JARID2: variants seen among roughly 807,000 people sequenced by gnomAD.
The protein encoded by JARID2 is protein Jumonji.
A neutral mutation model predicts 125.6 loss-of-function variants in JARID2; 21 were observed. That is an observed-to-expected ratio of 0.17 (90% CI 0.12 to 0.24). JARID2 has a LOEUF of 0.24. JARID2 is among the 10% of genes least tolerant of loss of function. The pLI, the probability that JARID2 is intolerant of heterozygous loss-of-function variation, is 1.00. For missense variants in JARID2, 1,303 were observed against 1,639.6 expected, an observed-to-expected ratio of 0.79 and a Z score of 3.55; for synonymous variants, 736 against 661.6, an observed-to-expected ratio of 1.11 and a Z score of -1.73.
chr6:15,511,447 C>G, intron 13 of JARID2, 46 bp downstream of exon 13: 1 of 1,283,108 alleles, frequency 7.8e-7, no homozygotes, highest in South Asian at 1.2e-5. Context: ...GTAGGACCTC[C>G]TAGGCACTTG....
At chr6:15,398,846 C>T (rs935196380) in intron 2 of JARID2, among the ~76,000 whole-genome samples, 1 of 152,144 alleles carries the variant, frequency 6.6e-6, no homozygotes, top group Non-Finnish European at 1.5e-5. Context: ...AACCACTAAT[C>T]ATACGTGATT....
chr6:15,255,798 C>T (rs1759641680), intron 1 of JARID2, among the ~76,000 whole-genome samples: 1 of 152,190 alleles, frequency 6.6e-6, no homozygotes, highest in Non-Finnish European at 1.5e-5. Flanking sequence ...AATGCTTATT[C>T]TGTTAAGCAG....
chr6:15,323,664 A>C (rs1262553399), intron 1 of JARID2, among the ~76,000 whole-genome samples: 1 of 152,076 alleles, frequency 6.6e-6, no homozygotes, highest in African/African-American at 2.4e-5. Context: ...GGTGGCTCAC[A>C]CCTGTAATCC....
At chr6:15,484,356 G>T (rs755059982) in intron 5 of JARID2, among the ~76,000 whole-genome samples, 1 of 152,260 alleles carries the variant, frequency 6.6e-6, no homozygotes. Context: ...GGCATGGTCA[G>T]TGTGGACAAA....
chr6:15,299,178 T>C (rs1761517669), intron 1 of JARID2, among the ~76,000 whole-genome samples: 1 of 152,204 alleles, frequency 6.6e-6, no homozygotes, highest in Non-Finnish European at 1.5e-5. Flanking sequence ...TACAACCCCT[T>C]GGACATAGGG....
At chr6:15,445,054 C>T (rs1767614414) in intron 3 of JARID2, among the ~76,000 whole-genome samples, 1 of 152,002 alleles carries the variant, frequency 6.6e-6, no homozygotes, top group Non-Finnish European at 1.5e-5. Context: ...CTGGAAATTG[C>T]TGTTGTGCCG....
At chr6:15,422,443 C>T (rs1292982254) in intron 3 of JARID2, among the ~76,000 whole-genome samples, 1 of 152,142 alleles carries the variant, frequency 6.6e-6, no homozygotes, top group Non-Finnish European at 1.5e-5. Flanking sequence ...GTTTCAGTGT[C>T]TGAGGTTGGA....
intron 3 of JARID2, among the ~76,000 whole-genome samples, chr6:15,415,671 G>T (rs1399003962): frequency 1.4e-5 from 2 of 145,760 alleles, no homozygotes; most frequent in African/African-American, 2.6e-5. Context: ...CCTCCCGGAC[G>T]GGGTGGCTGG....
intron 1 of JARID2, among the ~76,000 whole-genome samples, chr6:15,290,627 T>C (rs1295674200): frequency 6.6e-6 from 1 of 152,194 alleles, no homozygotes; most frequent in Non-Finnish European, 1.5e-5. Flanking sequence ...TGGATGTTTT[T>C]TTCCCCCCCA....
intron 6 of JARID2, among the ~76,000 whole-genome samples, chr6:15,490,878 A>T (rs1228607078): frequency 6.6e-6 from 1 of 152,228 alleles, no homozygotes; most frequent in African/African-American, 2.4e-5. Flanking sequence ...GTAAGCCAGG[A>T]TATTGAACCA....
chr6:15,295,657 GTTAT>G (rs1031064767), intron 1 of JARID2, among the ~76,000 whole-genome samples: 12 of 151,806 alleles, frequency 7.9e-5, no homozygotes, highest in Non-Finnish European at 8.8e-5. Context: ...GCCACTTAGG[GTTAT>G]TTATTTATTT....
At chr6:15,331,400 CAGAA>C (rs1331039559) in intron 1 of JARID2, among the ~76,000 whole-genome samples, 1 of 151,302 alleles carries the variant, frequency 6.6e-6, no homozygotes, top group Non-Finnish European at 1.5e-5. Flanking sequence ...TGAAGGAAAA[CAGAA>C]AGAGTGCCCT....
At chr6:15,470,190 A>AC (rs1196629982) in intron 5 of JARID2, among the ~76,000 whole-genome samples, 4 of 151,374 alleles carry the variant, frequency 2.6e-5, no homozygotes, top group Non-Finnish European at 5.9e-5. Context: ...AAAAAAAAAA[A>AC]AGTAGGAAAG....
At chr6:15,305,230 T>C (rs1163825634) in intron 1 of JARID2, among the ~76,000 whole-genome samples, 2 of 152,144 alleles carry the variant, frequency 1.3e-5, no homozygotes, top group African/African-American at 2.4e-5. Flanking sequence ...AAATGGCCAT[T>C]GAAGATTGAT....
intron 2 of JARID2, among the ~76,000 whole-genome samples, chr6:15,390,725 C>A (rs778387967): frequency 6.6e-6 from 1 of 152,080 alleles, no homozygotes; most frequent in Non-Finnish European, 1.5e-5. Context: ...GAATACAGAC[C>A]ATCAGAGATT....
intron 1 of JARID2, among the ~76,000 whole-genome samples, chr6:15,309,362 G>A (rs1761939855): frequency 1.3e-5 from 2 of 151,912 alleles, no homozygotes; most frequent in South Asian, 2.1e-4. Context: ...ATTATAAGTA[G>A]TGTGATATTT....
chr6:15,274,719 T>C (rs1360180088), intron 1 of JARID2, among the ~76,000 whole-genome samples: 5 of 152,158 alleles, frequency 3.3e-5, no homozygotes, highest in Admixed American at 3.3e-4. Flanking sequence ...TTTTTGTTGG[T>C]GGTGATCCTG....
chr6:15,319,434 G>A (rs1762280544), intron 1 of JARID2, among the ~76,000 whole-genome samples: 1 of 152,114 alleles, frequency 6.6e-6, no homozygotes, highest in African/African-American at 2.4e-5. Flanking sequence ...CCTCAAGCCA[G>A]TTGCCCAGGA....
rs1771278779 is a variant in JARID2, at chr6:15,511,531, G to C, written c.2952+130G>C. On this transcript the variant is annotated intron_variant, in intron 13 of 17. Coordinates refer to ENST00000341776, the MANE Select transcript of JARID2 (RefSeq NM_004973.4). ...AAAACAAATCCCCAGGGTGCAAAGG[G>C]AAAGGTCCTCTGACACAAAAGCCAA... The C allele has an allele frequency of 7.5e-6, 5 of 668,638 alleles. No individual in the cohort carries two copies. The Admixed American group carries it at 1.1e-4, about 15-fold the overall frequency. 41.4% of individuals were successfully genotyped at this position (668,638 alleles called of 1,614,324 possible).
Sources: allele counts gnomAD v4.1 joint callset (sites outside exome capture counted in the v4.1 genomes callset), GRCh38; gene constraint gnomAD v4.1.1; transcripts MANE v1.5; gene names NCBI Gene and HGNC (gene_info 2026-07-23, HGNC 2026-07-21).